Variants in ANO3 observed in about 807,000 individuals in gnomAD.
ANO3 encodes the protein anoctamin-3.
A neutral mutation model predicts 144.8 loss-of-function variants in ANO3; 99 were observed. That is an observed-to-expected ratio of 0.68 (90% CI 0.58 to 0.81). The LOEUF (loss-of-function observed/expected upper bound fraction) is 0.81. Ranked by LOEUF, ANO3 falls within the 30% of genes least tolerant of loss-of-function variation. The pLI, the probability that ANO3 is intolerant of heterozygous loss-of-function variation, is 0.00. For synonymous variants in ANO3, 414 were observed against 392.6 expected (o/e 1.05, Z -0.64); for missense variants, 905 against 1,202.2 (o/e 0.75, Z 3.66).
intron 1 of ANO3, among the ~76,000 whole-genome samples, chr11:26,420,874 C>A (rs1288859965): frequency 6.6e-6 from 1 of 151,814 alleles, no homozygotes; most frequent in African/African-American, 2.4e-5. Context: ...TTATTTTTTT[C>A]TTTTTAAAAA....
chr11:26,607,788 T>G (rs1049481054), intron 17 of ANO3, among the ~76,000 whole-genome samples: 3 of 152,204 alleles, frequency 2.0e-5, no homozygotes, highest in African/African-American at 7.2e-5. Context: ...CTCCATCAGG[T>G]CATTTATGTT....
chr11:26,455,642 A>G (rs2134045735), intron 3 of ANO3, among the ~76,000 whole-genome samples: 1 of 152,346 alleles, frequency 6.6e-6, no homozygotes, highest in Non-Finnish European at 1.5e-5. Context: ...AAATGGCCAT[A>G]CTGCCCAAGG....
intron 1 of ANO3, among the ~76,000 whole-genome samples, chr11:26,300,368 C>CCT (rs138657629): frequency 1.4e-3 from 206 of 150,394 alleles, no homozygotes; most frequent in African/African-American, 4.3e-3. Flanking sequence ...ATTTGCTCTC[C>CCT]CTCTCTCTCT....
chr11:26,243,777 T>C (rs540875455), intron 1 of ANO3, among the ~76,000 whole-genome samples: 3 of 152,186 alleles, frequency 2.0e-5, no homozygotes, highest in Non-Finnish European at 1.5e-5. Flanking sequence ...TCTGGCCACA[T>C]TCCAGAGATT....
chr11:26,482,426 A>ATGTG (rs58664691), intron 4 of ANO3, among the ~76,000 whole-genome samples: 116 of 141,110 alleles, frequency 8.2e-4, no homozygotes, highest in South Asian at 1.6e-3. Context: ...ACACAGATAT[A>ATGTG]TGTGTGTGTG....
At chr11:26,609,215 G>A (rs1439816179) in intron 17 of ANO3, among the ~76,000 whole-genome samples, 3 of 152,090 alleles carry the variant, frequency 2.0e-5, no homozygotes, top group African/African-American at 4.8e-5. Context: ...CAGGTGGGCC[G>A]CCACACCACA....
chr11:26,378,240 T>G (rs747699112), intron 1 of ANO3, among the ~76,000 whole-genome samples: 3 of 150,970 alleles, frequency 2.0e-5, no homozygotes, highest in Non-Finnish European at 3.0e-5. Context: ...TAATTGATGT[T>G]TTAGGGCCTC....
chr11:26,408,667 C>T (rs918990551), intron 1 of ANO3, among the ~76,000 whole-genome samples: 119 of 150,584 alleles, frequency 7.9e-4, no homozygotes, highest in African/African-American at 2.4e-3. Flanking sequence ...TATAAAGACA[C>T]ATGCACACGT....
intron 4 of ANO3, among the ~76,000 whole-genome samples, chr11:26,501,364 AT>A (rs1185742086): frequency 1.3e-5 from 2 of 152,200 alleles, no homozygotes; most frequent in Non-Finnish European, 2.9e-5. Context: ...CCAATAAAAA[AT>A]AAAAATACCT....
At chr11:26,289,409 A>C (rs1035992818) in intron 1 of ANO3, among the ~76,000 whole-genome samples, 1 of 150,810 alleles carries the variant, frequency 6.6e-6, no homozygotes, top group Non-Finnish European at 1.5e-5. Context: ...ATTTGGCACT[A>C]AATAATCATT....
chr11:26,315,103 G>GAAA (rs5790568), intron 1 of ANO3, among the ~76,000 whole-genome samples: 1 of 149,696 alleles, frequency 6.7e-6, no homozygotes, highest in Non-Finnish European at 1.5e-5. Context: ...TATATTCTCA[G>GAAA]AAAAAAAAAC....
chr11:26,548,407 T>C (rs966899792), intron 12 of ANO3, among the ~76,000 whole-genome samples: 3 of 151,902 alleles, frequency 2.0e-5, no homozygotes, highest in African/African-American at 7.2e-5. Flanking sequence ...AAATTAAAAA[T>C]ATGAAAAATA....
chr11:26,491,176 G>C (rs568955369), intron 4 of ANO3, among the ~76,000 whole-genome samples: 10 of 152,226 alleles, frequency 6.6e-5, no homozygotes, highest in Middle Eastern at 3.4e-3. Context: ...GGGTATTATG[G>C]AAATGGTGAA....
intron 17 of ANO3, among the ~76,000 whole-genome samples, chr11:26,609,186 C>G (rs1224446867): frequency 1.3e-5 from 2 of 152,060 alleles, no homozygotes; most frequent in African/African-American, 4.8e-5. Flanking sequence ...ATGGAGGCTC[C>G]CTTATCCCCT....
intron 18 of ANO3, among the ~76,000 whole-genome samples, chr11:26,627,206 G>A (rs2133019599): frequency 6.6e-6 from 1 of 152,126 alleles, no homozygotes; most frequent in Admixed American, 6.6e-5. Context: ...ACCAGGCTTT[G>A]GAGTTGGATA....
intron 1 of ANO3, among the ~76,000 whole-genome samples, chr11:26,421,900 G>A (rs1857762525): frequency 6.6e-6 from 1 of 152,024 alleles, no homozygotes; most frequent in Non-Finnish European, 1.5e-5. Context: ...TAAATGATGA[G>A]AACACATCAA....
chr11:26,472,900 T>G (rs745773910), intron 4 of ANO3, among the ~76,000 whole-genome samples: 1 of 151,880 alleles, frequency 6.6e-6, no homozygotes, highest in Non-Finnish European at 1.5e-5. Context: ...TAAAGCACTG[T>G]TGTGTTTACT....
intron 1 of ANO3, among the ~76,000 whole-genome samples, chr11:26,191,594 C>A (rs746904649): frequency 6.6e-6 from 1 of 152,150 alleles, no homozygotes; most frequent in African/African-American, 2.4e-5. Flanking sequence ...TGTTATAAAC[C>A]TGGTGCTCTA....
intron 4 of ANO3, 83 bp from the exon 5 acceptor site, chr11:26,508,021 C>A: frequency 8.4e-7 from 1 of 1,193,722 alleles, no homozygotes; most frequent in East Asian, 2.7e-5. Flanking sequence ...ATTGTATTGC[C>A]AGTGTTCAAA....
Sources: gnomAD v4.1 joint callset for allele counts (sites outside exome capture counted in the v4.1 genomes callset) on GRCh38, gnomAD v4.1.1 for gene constraint, MANE v1.5 for transcripts, NCBI Gene and HGNC (gene_info 2026-07-23, HGNC 2026-07-21) for gene names.